The following CADPS2 variants were observed in gnomAD, a reference collection of about 807,000 sequenced individuals.
CADPS2 encodes calcium dependent secretion activator 2.
In CADPS2, 93 loss-of-function variants were observed where a neutral mutation model predicts 172.5. The observed-to-expected ratio is 0.54, with a 90% CI of 0.46 to 0.64. The LOEUF (loss-of-function observed/expected upper bound fraction) is 0.64, where lower values mean the gene tolerates loss of function less well. CADPS2 is among the 30% of genes least tolerant of loss of function. The pLI is 0.00. For synonymous variants in CADPS2, 546 were observed against 555.2 expected (o/e 0.98, Z 0.23); for missense variants, 1,420 against 1,565.9 (o/e 0.91, Z 1.57).
At chr7:122,458,466 AAATT>A (rs1171544481) in intron 14 of CADPS2, among the ~76,000 whole-genome samples, 2 of 152,158 alleles carry the variant, frequency 1.3e-5, no homozygotes, top group South Asian at 2.1e-4. Flanking sequence ...TATCCAGAAG[AAATT>A]AATTGTGTCT....
intron 1 of CADPS2, among the ~76,000 whole-genome samples, chr7:122,820,385 C>G (rs894924634): frequency 2.6e-5 from 4 of 151,970 alleles, no homozygotes; most frequent in Non-Finnish European, 4.4e-5. Context: ...CACGTGCTCT[C>G]CCTGCCAATT....
chr7:122,541,716 C>T (rs2063010113), intron 8 of CADPS2, among the ~76,000 whole-genome samples: 1 of 142,996 alleles, frequency 7.0e-6, no homozygotes, highest in Non-Finnish European at 1.5e-5. Context: ...CATATATTTA[C>T]ATATATTCAT....
At chr7:122,601,469 T>C (rs2072768990) in intron 6 of CADPS2, among the ~76,000 whole-genome samples, 1 of 152,008 alleles carries the variant, frequency 6.6e-6, no homozygotes, top group African/African-American at 2.4e-5. Flanking sequence ...TGTCTAAAAA[T>C]TGACTAATTC....
chr7:122,439,661 T>C (rs1259400985), intron 16 of CADPS2, among the ~76,000 whole-genome samples: 3 of 139,700 alleles, frequency 2.1e-5, no homozygotes, highest in African/African-American at 7.5e-5. Flanking sequence ...GCAAACTTTA[T>C]CATTCTCTCT....
At chr7:122,725,841 C>T (rs73719756) in intron 2 of CADPS2, among the ~76,000 whole-genome samples, 7,224 of 151,798 alleles carry the variant, frequency 0.048, 583 homozygotes, top group African/African-American at 0.17. Context: ...CTAATCCATA[C>T]TGAAACAGGA....
intron 20 of CADPS2, among the ~76,000 whole-genome samples, chr7:122,404,970 C>G (rs905001890): frequency 2.6e-5 from 4 of 151,660 alleles, no homozygotes; most frequent in Admixed American, 6.6e-5. Flanking sequence ...ACTAAAAATA[C>G]AAAAAAATTA....
At chr7:122,812,936 T>C (rs932212856) in intron 1 of CADPS2, among the ~76,000 whole-genome samples, 2 of 152,174 alleles carry the variant, frequency 1.3e-5, no homozygotes, top group Admixed American at 1.3e-4. Flanking sequence ...CGGATGTTTT[T>C]AGTTCATTCT....
chr7:122,687,462 C>A (rs541258896), intron 2 of CADPS2, among the ~76,000 whole-genome samples: 4 of 152,312 alleles, frequency 2.6e-5, no homozygotes, highest in Non-Finnish European at 5.9e-5. Flanking sequence ...GGAACCAGAA[C>A]AAGTTCAAAT....
At chr7:122,424,408 AG>A (rs1326168614) in intron 17 of CADPS2, 1 of 789,654 alleles carries the variant, frequency 1.3e-6, no homozygotes, top group African/African-American at 1.9e-5. Context: ...ACTAGAGTAT[AG>A]ACCAATGACA....
intron 15 of CADPS2, among the ~76,000 whole-genome samples, chr7:122,448,955 T>C (rs2052672461): frequency 6.6e-6 from 1 of 152,156 alleles, no homozygotes. Context: ...AATTATGTTA[T>C]CTTACTACTA....
chr7:122,489,268 G>C (rs1022431129), intron 11 of CADPS2, among the ~76,000 whole-genome samples: 1 of 152,136 alleles, frequency 6.6e-6, no homozygotes, highest in African/African-American at 2.4e-5. Context: ...AAAGAGAAGA[G>C]AATAGTTACT....
intron 1 of CADPS2, among the ~76,000 whole-genome samples, chr7:122,857,947 G>A (rs895182817): frequency 6.6e-6 from 1 of 152,120 alleles, no homozygotes; most frequent in African/African-American, 2.4e-5. Flanking sequence ...GAGTGTTACA[G>A]CTCTTAAAGG....
intron 1 of CADPS2, among the ~76,000 whole-genome samples, chr7:122,752,273 T>C (rs116558902): frequency 7.9e-5 from 12 of 152,296 alleles, no homozygotes; most frequent in African/African-American, 2.9e-4. Context: ...TATAAAGATA[T>C]CTACTTACAT....
chr7:122,713,241 G>C (rs1267618741), intron 2 of CADPS2, among the ~76,000 whole-genome samples: 2 of 152,162 alleles, frequency 1.3e-5, no homozygotes, highest in East Asian at 3.9e-4. Flanking sequence ...AGTTTTACCA[G>C]GAATAGCAAT....
intron 25 of CADPS2, 94 bp downstream of exon 25, chr7:122,379,274 C>T (rs2042717216): frequency 2.5e-6 from 2 of 799,440 alleles, no homozygotes; most frequent in Non-Finnish European, 1.9e-6. Flanking sequence ...TTTTAAACTA[C>T]ATTTTTTCTC....
intron 16 of CADPS2, among the ~76,000 whole-genome samples, chr7:122,438,974 G>T (rs1325694517): frequency 1.3e-5 from 2 of 151,798 alleles, no homozygotes; most frequent in African/African-American, 2.4e-5. Flanking sequence ...AAATTTTAAT[G>T]ATTGTGATTT....
intron 17 of CADPS2, among the ~76,000 whole-genome samples, chr7:122,420,719 T>C (rs548775133): frequency 2.4e-4 from 37 of 152,358 alleles, no homozygotes; most frequent in African/African-American, 8.7e-4. Context: ...TTGTAATACA[T>C]TTCAAACAGT....
At chr7:122,872,787 A>T (rs1246402431) in intron 1 of CADPS2, among the ~76,000 whole-genome samples, 2 of 152,116 alleles carry the variant, frequency 1.3e-5, no homozygotes, top group Non-Finnish European at 2.9e-5. Context: ...ATATTCTAAT[A>T]AAAAATTCCA....
intron 2 of CADPS2, among the ~76,000 whole-genome samples, chr7:122,731,989 T>C (rs1019672031): frequency 1.3e-5 from 2 of 151,904 alleles, no homozygotes; most frequent in Non-Finnish European, 2.9e-5. Flanking sequence ...ATTAAAAATA[T>C]GATATAAATT....
Sources: allele counts gnomAD v4.1 joint callset (sites outside exome capture counted in the v4.1 genomes callset), GRCh38; gene constraint gnomAD v4.1.1; transcripts MANE v1.5; gene names NCBI Gene and HGNC (gene_info 2026-07-23, HGNC 2026-07-21).